The following PTPRD variants were observed in gnomAD, a reference collection of about 807,000 sequenced individuals.
The protein encoded by PTPRD is protein tyrosine phosphatase receptor type D.
A neutral mutation model predicts 214.5 loss-of-function variants in PTPRD; 34 were observed. The ratio of observed to expected loss-of-function variants is 0.16; its 90% CI spans 0.12 to 0.21. The LOEUF is 0.21. Ranked by LOEUF, PTPRD falls within the 10% of genes least tolerant of loss-of-function variation. The pLI, the probability that PTPRD is intolerant of heterozygous loss-of-function variation, is 1.00. For synonymous variants in PTPRD, 1,128 were observed against 845.7 expected, an observed-to-expected ratio of 1.33 and a Z score of -5.79; for missense variants, 2,545 against 2,398.7, an observed-to-expected ratio of 1.06 and a Z score of -1.27.
At chr9:8,832,302 A>G (rs1358439411) in intron 11 of PTPRD, among the ~76,000 whole-genome samples, 1 of 152,100 alleles carries the variant, frequency 6.6e-6, no homozygotes, top group African/African-American at 2.4e-5. Context: ...GAGAAAAACA[A>G]TGAAGAAAAC....
intron 14 of PTPRD, among the ~76,000 whole-genome samples, chr9:8,630,083 T>C (rs1436538509): frequency 2.0e-5 from 3 of 151,794 alleles, no homozygotes; most frequent in African/African-American, 7.2e-5. Flanking sequence ...GTGAGATAAA[T>C]CAATGATCTT....
chr9:9,427,869 T>C (rs994896364), intron 8 of PTPRD, among the ~76,000 whole-genome samples: 5 of 152,070 alleles, frequency 3.3e-5, no homozygotes, highest in African/African-American at 1.2e-4. Flanking sequence ...TGCTGAGAGA[T>C]TTTGTCACCA....
chr9:9,595,531 T>C (rs1003495041), intron 7 of PTPRD, among the ~76,000 whole-genome samples: 24 of 128,892 alleles, frequency 1.9e-4, no homozygotes, highest in Non-Finnish European at 3.6e-4. Flanking sequence ...TATACACACG[T>C]ATGCATATGT....
chr9:8,383,838 C>T (rs2086019582), intron 37 of PTPRD, among the ~76,000 whole-genome samples: 1 of 152,108 alleles, frequency 6.6e-6, no homozygotes, highest in Admixed American at 6.5e-5. Flanking sequence ...CTACTATGGG[C>T]AAGGAATGAA....
At chr9:8,471,115 G>T in intron 30 of PTPRD, 30 bp from the exon 31 acceptor site, 1 of 1,595,718 alleles carries the variant, frequency 6.3e-7, no homozygotes, top group Non-Finnish European at 8.6e-7. Flanking sequence ...TAAAAGTTAG[G>T]TTAGTTGAAA....
intron 10 of PTPRD, among the ~76,000 whole-genome samples, chr9:9,036,029 CTT>C (rs1328175609): frequency 1.3e-5 from 2 of 152,018 alleles, no homozygotes; most frequent in African/African-American, 2.4e-5. Context: ...GTGCCTACCT[CTT>C]TTGAAACTTC....
At chr9:8,778,002 C>G (rs2095551125) in intron 11 of PTPRD, among the ~76,000 whole-genome samples, 1 of 152,146 alleles carries the variant, frequency 6.6e-6, no homozygotes, top group Non-Finnish European at 1.5e-5. Context: ...AAACAAAATA[C>G]AATGTCTAGG....
At chr9:9,023,505 C>A (rs975325952) in intron 10 of PTPRD, among the ~76,000 whole-genome samples, 1 of 151,970 alleles carries the variant, frequency 6.6e-6, no homozygotes, top group Non-Finnish European at 1.5e-5. Context: ...CATTTCCATT[C>A]TTCTATTTAC....
At chr9:9,524,781 G>A (rs773527271) in intron 8 of PTPRD, among the ~76,000 whole-genome samples, 8 of 152,154 alleles carry the variant, frequency 5.3e-5, no homozygotes, top group Non-Finnish European at 1.0e-4. Flanking sequence ...GCTGTGCATA[G>A]AACTTGAAAT....
At chr9:9,148,279 G>A (rs2099872021) in intron 10 of PTPRD, among the ~76,000 whole-genome samples, 1 of 151,942 alleles carries the variant, frequency 6.6e-6, no homozygotes, top group Non-Finnish European at 1.5e-5. Flanking sequence ...AAAATGACAT[G>A]GCAACCTTTT....
At chr9:8,610,494 C>G (rs1337810) in intron 14 of PTPRD, among the ~76,000 whole-genome samples, 20,269 of 152,098 alleles carry the variant, frequency 0.13, 2,064 homozygotes, top group African/African-American at 0.29. Flanking sequence ...CCTATAGATA[C>G]CTGAATCCAA....
At chr9:10,061,584 A>G (rs1213281561) in intron 3 of PTPRD, among the ~76,000 whole-genome samples, 1 of 152,076 alleles carries the variant, frequency 6.6e-6, no homozygotes, top group African/African-American at 2.4e-5. Flanking sequence ...ATTGTCTTCT[A>G]TGATACCTTC....
rs149807743 is a variant in PTPRD at position 8,375,881 on chromosome 9, T to C, written c.4661+55A>G. 2.2e-3 allele frequency: 3,430 copies of C among 1,570,206 alleles called. 56 individuals are homozygous for C. In the African/African-American group the frequency reaches 0.032, roughly 15 times the overall value. On this transcript the variant is annotated intron_variant, in intron 39 of 45. Coordinates refer to ENST00000381196, the MANE Select transcript of PTPRD (RefSeq NM_002839.4). Reference sequence around the variant, plus strand: ...GTCAAGAAGTTGCAGAAACATCCAATGAGAGTCAATTTAGCTTTCTGTTTC... The same window carrying C: ...GTCAAGAAGTTGCAGAAACATCCAACGAGAGTCAATTTAGCTTTCTGTTTC...
At chr9:10,459,991 C>T (rs1588656963) in intron 2 of PTPRD, among the ~76,000 whole-genome samples, 1 of 151,886 alleles carries the variant, frequency 6.6e-6, no homozygotes, top group Non-Finnish European at 1.5e-5. Context: ...TTTAAGTGTA[C>T]AGTTAAGTGG....
intron 9 of PTPRD, among the ~76,000 whole-genome samples, chr9:9,371,773 C>T (rs1226062957): frequency 6.6e-6 from 1 of 152,150 alleles, no homozygotes; most frequent in Non-Finnish European, 1.5e-5. Flanking sequence ...TCCCTCTACA[C>T]ACTGCTTTGA....
intron 5 of PTPRD, among the ~76,000 whole-genome samples, chr9:9,824,435 A>G (rs146006622): frequency 7.2e-5 from 11 of 152,178 alleles, no homozygotes; most frequent in African/African-American, 2.4e-4. Context: ...CATTCATACT[A>G]CAATTTGCTT....
At chr9:9,762,724 C>A (rs896928647) in intron 6 of PTPRD, among the ~76,000 whole-genome samples, 2 of 152,204 alleles carry the variant, frequency 1.3e-5, no homozygotes, top group African/African-American at 4.8e-5. Context: ...TTCTTTCATG[C>A]AACTCAGAAC....
chr9:10,171,523 T>C (rs1219905376), intron 3 of PTPRD, among the ~76,000 whole-genome samples: 1 of 151,976 alleles, frequency 6.6e-6, no homozygotes, highest in Non-Finnish European at 1.5e-5. Context: ...GGTATATCTT[T>C]ATTTTTATTT....
intron 8 of PTPRD, among the ~76,000 whole-genome samples, chr9:9,521,046 T>C (rs1044109917): frequency 6.6e-6 from 1 of 152,176 alleles, no homozygotes; most frequent in Non-Finnish European, 1.5e-5. Flanking sequence ...AAAGAATCTT[T>C]AATTAAAATG....
Sources: allele counts gnomAD v4.1 joint callset (sites outside exome capture counted in the v4.1 genomes callset), GRCh38; gene constraint gnomAD v4.1.1; transcripts MANE v1.5; gene names NCBI Gene and HGNC (gene_info 2026-07-23, HGNC 2026-07-21).